The following BCL2 variants were observed in gnomAD, a reference collection of about 807,000 sequenced individuals.
The protein encoded by BCL2 is apoptosis regulator Bcl-2.
A neutral mutation model predicts 14.2 loss-of-function variants in BCL2; 1 was observed. That is an observed-to-expected ratio of 0.07 (90% CI 0.02 to 0.33). The LOEUF (loss-of-function observed/expected upper bound fraction) is 0.33, where lower values mean the gene tolerates loss of function less well. BCL2 is among the 10% of genes least tolerant of loss of function. The pLI is 0.99. For missense variants in BCL2, 247 were observed against 305.9 expected, an observed-to-expected ratio of 0.81 and a Z score of 1.44; for synonymous variants, 151 against 137.2, an observed-to-expected ratio of 1.10 and a Z score of -0.70.
chr18:63,147,931 A>T (rs987074490), intron 2 of BCL2, among the ~76,000 whole-genome samples: 1 of 152,032 alleles, frequency 6.6e-6, no homozygotes, highest in South Asian at 2.1e-4. Flanking sequence ...CTCCTAGAAT[A>T]CCCTCTTGAA....
At chr18:63,229,582 G>A (rs1910637526) in intron 2 of BCL2, among the ~76,000 whole-genome samples, 1 of 152,006 alleles carries the variant, frequency 6.6e-6, no homozygotes, top group Admixed American at 6.6e-5. Context: ...CACCTTCCCC[G>A]TCTCCTCTCT....
chr18:63,191,165 A>G (rs943646668), intron 2 of BCL2, among the ~76,000 whole-genome samples: 9 of 152,210 alleles, frequency 5.9e-5, no homozygotes, highest in Admixed American at 1.3e-4. Flanking sequence ...ATAAACATAC[A>G]TGTGCATGTA....
At chr18:63,129,549 G>A (rs1914008830) in intron 2 of BCL2, among the ~76,000 whole-genome samples, 1 of 152,184 alleles carries the variant, frequency 6.6e-6, no homozygotes, top group Non-Finnish European at 1.5e-5. Context: ...AAAGTTCTGG[G>A]ATTAAAGGCA....
chr18:63,287,609 C>T (rs1207876397), intron 2 of BCL2, among the ~76,000 whole-genome samples: 1 of 151,910 alleles, frequency 6.6e-6, no homozygotes, highest in Non-Finnish European at 1.5e-5. Context: ...TTATCAAAAC[C>T]CACAAAGCTA....
chr18:63,134,084 C>T (rs1914145289), intron 2 of BCL2, among the ~76,000 whole-genome samples: 1 of 151,888 alleles, frequency 6.6e-6, no homozygotes, highest in South Asian at 2.1e-4. Context: ...CGTTTACAAA[C>T]AGAAAAAAAT....
intron 2 of BCL2, among the ~76,000 whole-genome samples, chr18:63,310,481 A>G (rs1301234326): frequency 6.6e-6 from 1 of 152,188 alleles, no homozygotes; most frequent in Non-Finnish European, 1.5e-5. Flanking sequence ...ATACCACTGT[A>G]GCTGGGTTGG....
intron 2 of BCL2, among the ~76,000 whole-genome samples, chr18:63,254,120 T>G (rs1911398723): frequency 6.6e-6 from 1 of 152,070 alleles, no homozygotes; most frequent in South Asian, 2.1e-4. Context: ...CTTCTTTTTA[T>G]GTACCACAAA....
rs113926659 is a variant in BCL2 at position 63,270,306 on chromosome 18, T to C, written c.585+47776A>G. ...GAGCTATTCACTGAATCACTGTTCA[T>C]CCTGGGAAAAACTGGAAACAGCCCA... On this transcript the variant is annotated intron_variant, in intron 2 of 2. Coordinates refer to ENST00000333681, the MANE Select transcript of BCL2 (RefSeq NM_000633.3). Among the ~76,000 whole-genome samples the C allele has an allele frequency of 6.5e-3, 984 of 152,286 alleles. 12 individuals are homozygous for C. Among genetic ancestry groups the C allele is most frequent in the African/African-American group, 0.022 (934 of 41,550 alleles).
rs1310296388 is a variant in BCL2, at chr18:63,318,110, T to C, written c.557A>G (p.His186Arg). The change falls in exon 2 of 3, where the codon CAC becomes CGC. Residue 186 changes from histidine to arginine, a missense_variant. His to Arg is a conservative substitution (Grantham distance 29). Transcript: ENST00000333681. The surrounding 1 kb of genome is among the most constrained non-coding windows in gnomAD (Gnocchi z 7.4). ...GCCTCCGTTATCCTGGATCCAGGTG[T>C]GCAGGTGCCGGTTCAGGTACTCAGT... ...WMTEYLNRHL[H>R]TWIQDNGGWD... The C allele has an allele frequency of 6.2e-7, 1 of 1,614,100 alleles. No individual in the cohort carries two copies. Among genetic ancestry groups the C allele is most frequent in the South Asian group, 1.1e-5 (1 of 91,074 alleles).
At chr18:63,238,363 C>T (rs1455616830) in intron 2 of BCL2, among the ~76,000 whole-genome samples, 1 of 152,226 alleles carries the variant, frequency 6.6e-6, no homozygotes, top group Non-Finnish European at 1.5e-5. Flanking sequence ...TCCAGAAAGA[C>T]TCCAGCGAAA....
At chr18:63,168,839 T>A (rs901144485) in intron 2 of BCL2, among the ~76,000 whole-genome samples, 1 of 152,136 alleles carries the variant, frequency 6.6e-6, no homozygotes, top group Non-Finnish European at 1.5e-5. Context: ...GACCTGAGGG[T>A]GGGATCTAGA....
chr18:63,212,066 G>A (rs560187355), intron 2 of BCL2, among the ~76,000 whole-genome samples: 8 of 152,108 alleles, frequency 5.3e-5, no homozygotes, highest in East Asian at 1.9e-4. Flanking sequence ...GGTGGCTCAC[G>A]CCTGTAATCC....
intron 2 of BCL2, among the ~76,000 whole-genome samples, chr18:63,270,058 G>C (rs906280543): frequency 1.3e-5 from 2 of 152,040 alleles, no homozygotes; most frequent in Non-Finnish European, 2.9e-5. Context: ...ATAAGTGAAA[G>C]GGCAAATTAA....
intron 2 of BCL2, among the ~76,000 whole-genome samples, chr18:63,209,234 G>C (rs58146825): frequency 6.6e-6 from 1 of 152,104 alleles, no homozygotes; most frequent in African/African-American, 2.4e-5. Flanking sequence ...TGAATTGATC[G>C]AGGGGCCGTG....
chr18:63,239,154 A>C (rs1338107825), intron 2 of BCL2, among the ~76,000 whole-genome samples: 2 of 152,208 alleles, frequency 1.3e-5, no homozygotes, highest in Non-Finnish European at 2.9e-5. Flanking sequence ...TTCGGCTGGT[A>C]AAACTTCACA....
rs375788252 is a variant in BCL2 at position 63,174,680 on chromosome 18, C to T, written c.586-45921G>A. On this transcript the variant is annotated intron_variant, in intron 2 of 2. Transcript: ENST00000333681. ...ACTAAAAATACCAAAACTAGCCGGG[C>T]GTAGTGGCAGGCACCTGTAATCCCA... Among the ~76,000 whole-genome samples the T allele has an allele frequency of 1.3e-3, 201 of 152,018 alleles. 9 individuals carry two copies. The South Asian group carries it at 0.039, about 30-fold the overall frequency.
chr18:63,242,386 G>A (rs1261228629), intron 2 of BCL2, among the ~76,000 whole-genome samples: 3 of 152,204 alleles, frequency 2.0e-5, no homozygotes, highest in South Asian at 4.1e-4. Context: ...AGAAATCAGG[G>A]AACACATGAT....
chr18:63,314,607 C>T (rs1483874085), intron 2 of BCL2: 2 of 152,216 alleles, frequency 1.3e-5, no homozygotes. Flanking sequence ...AGCTGAATGT[C>T]GTCACAGTTC....
At chr18:63,223,395 G>A (rs1473562663) in intron 2 of BCL2, among the ~76,000 whole-genome samples, 4 of 74,316 alleles carry the variant, frequency 5.4e-5, no homozygotes, top group Non-Finnish European at 1.1e-4. Flanking sequence ...GCAAGACTCC[G>A]TTTCAAAAAA....
Sources: allele counts gnomAD v4.1 joint callset (sites outside exome capture counted in the v4.1 genomes callset), GRCh38; gene constraint gnomAD v4.1.1; non-coding constraint Gnocchi (gnomAD v3.1); transcripts MANE v1.5; gene names NCBI Gene and HGNC (gene_info 2026-07-23, HGNC 2026-07-21).